The following IL10 variants were observed in gnomAD, a reference collection of about 807,000 sequenced individuals.
The protein encoded by IL10 is interleukin-10.
IL10 carries 7 observed loss-of-function variants against 21.0 expected under a neutral mutation model. That is an observed-to-expected ratio of 0.33 (90% confidence interval 0.19 to 0.63). IL10 has a LOEUF of 0.63. Ranked by LOEUF, IL10 falls within the 20% of genes least tolerant of loss-of-function variation. The probability of loss-of-function intolerance (pLI) is 0.77; values close to 1 mark genes in which losing one functional copy is unlikely to be tolerated. For missense variants in IL10, 161 were observed against 213.0 expected (o/e 0.76, Z 1.52); for synonymous variants, 83 against 79.7 (o/e 1.04, Z -0.22).
At position 206,771,424 on chromosome 1, in the gene IL10, A is replaced by G; in HGVS notation, c.166-9T>C. The G allele has an allele frequency of 6.2e-7, 1 of 1,601,582 alleles. No individual in the cohort carries two copies. The highest frequency in any genetic ancestry group is 1.7e-5 in the Admixed American group (1 of 57,970). On this transcript the variant is annotated splice_polypyrimidine_tract_variant and intron_variant, in intron 1 of 4. Transcript: ENST00000423557. The stretch of plus-strand genomic sequence containing the variant: ...AGCTGATCCTTCATTTGCTGCAGGA[A>G]GAACAAAAGGAGAATGAACTTGAGG...
At chr1:206,771,138 G>T in intron 2 of IL10, 79 bp from the exon 3 acceptor site, 1 of 1,496,532 alleles carries the variant, frequency 6.7e-7, no homozygotes, top group Middle Eastern at 1.7e-4. Context: ...AGCTTAAGAG[G>T]ACAGCTTGGT....
rs6697497 is a variant in IL10 at position 206,768,118 on chromosome 1, C to T, written c.*518G>A. On this transcript the variant is annotated 3_prime_UTR_variant, in exon 5 of 5. Transcript: ENST00000423557. Reference sequence around the variant, plus strand: ...GGGGAATGAGGTTAGGGGAATCCCTCCGAGACACTGGAAGGTGAATTAATC... The same window carrying T: ...GGGGAATGAGGTTAGGGGAATCCCTTCGAGACACTGGAAGGTGAATTAATC... The T allele has an allele frequency of 0.017, 3,647 of 217,102 alleles. 141 individuals are homozygous for T. The highest frequency in any genetic ancestry group is 0.079 in the African/African-American group (3,459 of 44,062). 13.4% of individuals were successfully genotyped at this position (217,102 alleles called of 1,614,324 possible).
At position 206,768,246 on chromosome 1, in the gene IL10, C is replaced by T; in HGVS notation, c.*390G>A. 3.6e-6 allele frequency: 1 copy of T among 277,940 alleles called. No individual in the cohort carries two copies. Among genetic ancestry groups the T allele is most frequent in the Non-Finnish European group, 6.8e-6 (1 of 146,212 alleles). 17.2% of individuals were successfully genotyped at this position (277,940 alleles called of 1,614,324 possible). A position where few individuals can be genotyped will look rare whatever the true frequency, so the allele number is the denominator to read the frequency against. On this transcript the variant is annotated 3_prime_UTR_variant, in exon 5 of 5. Transcript: ENST00000423557. Reference sequence around the variant, plus strand: ...ATTAGAGGGAGGTCAGGGAAAACAGCTCAACAGCTAGAAAGCGTGGTCAGG... The same window carrying T: ...ATTAGAGGGAGGTCAGGGAAAACAGTTCAACAGCTAGAAAGCGTGGTCAGG...
In IL10 at chr1:206,768,633, G is replaced by A. The variant is rs1674733844; in HGVS notation, c.*3C>T. ...GAGTCTATAGAGTCGCCACCCTGAT[G>A]TCTCAGTTTCGTATCTTCATTGTCA... On this transcript the variant is annotated 3_prime_UTR_variant, in exon 5 of 5. Coordinates refer to ENST00000423557, the MANE Select transcript of IL10 (RefSeq NM_000572.3). The A allele has an allele frequency of 1.9e-6, 3 of 1,555,772 alleles. No homozygotes were observed. In the African/African-American group the frequency reaches 4.1e-5, roughly 21 times the overall value.
chr1:206,770,875 G>A (rs1306998729), intron 3 of IL10, 32 bp downstream of exon 3: 9 of 1,610,218 alleles, frequency 5.6e-6, no homozygotes, highest in Non-Finnish European at 6.8e-6. Context: ...TTTGGGGGCA[G>A]CTGCAAGGGA....
At chr1:206,772,026 C>T (rs1037081521) in intron 1 of IL10, among the ~76,000 whole-genome samples, 1 of 152,236 alleles carries the variant, frequency 6.6e-6, no homozygotes, top group Non-Finnish European at 1.5e-5. Context: ...ATAAGTTTCT[C>T]AGCACGAGAG....
rs772299982 is a variant in IL10 at position 206,772,417 on chromosome 1, G to C, written c.19C>G (p.Leu7Val). 2 of 1,614,088 alleles carry C rather than the reference G, an allele frequency of 1.2e-6. No homozygotes were observed. Among genetic ancestry groups the C allele is most frequent in the Admixed American group, 1.7e-5 (1 of 60,030 alleles). The change falls in exon 1 of 5, where the codon CTC (leucine) becomes GTC (valine). Residue 7 changes from leucine to valine, a missense_variant. Transcript: ENST00000423557. Reference protein sequence around the residue: MHSSALLCCLVLLTGVR... With the variant: MHSSALVCCLVLLTGVR... ...CCAGTCAGGAGGACCAGGCAACAGA[G>C]CAGTGCTGAGCTGTGCATGCCTTCT... is the stretch of plus-strand genomic sequence containing the variant.
chr1:206,772,429 T>A lies in IL10; in HGVS notation c.7A>T (p.Ser3Cys). 1 of 1,614,106 alleles carries A rather than the reference T, an allele frequency of 6.2e-7. No homozygotes were observed. The highest frequency in any genetic ancestry group is 8.5e-7 in the Non-Finnish European group (1 of 1,180,010). The change falls in exon 1 of 5, where the codon AGC (serine) becomes TGC (cysteine). Residue 3 changes from serine to cysteine, a missense_variant. Coordinates refer to ENST00000423557, the MANE Select transcript of IL10 (RefSeq NM_000572.3). MH[S>C]SALLCCLVLL... ...ACCAGGCAACAGAGCAGTGCTGAGCTGTGCATGCCTTCTTTTGCAAGTCTG... is the reference window on the plus strand; with the variant it reads ...ACCAGGCAACAGAGCAGTGCTGAGCAGTGCATGCCTTCTTTTGCAAGTCTG...
rs755609227 is a variant in IL10, at chr1:206,772,254, G to A, written c.165+17C>T. ...AGTCCCAGGAAGAGAGAAAGGACAG[G>A]AAGGAATCATACTCACAAAGAAAGT... On this transcript the variant is annotated intron_variant, in intron 1 of 4. Coordinates refer to ENST00000423557, the MANE Select transcript of IL10 (RefSeq NM_000572.3). The A allele has an allele frequency of 5.6e-6, 9 of 1,610,738 alleles. No homozygotes were observed. The highest frequency in any genetic ancestry group is 3.3e-5 in the South Asian group (3 of 91,030).
intron 1 of IL10, among the ~76,000 whole-genome samples, chr1:206,772,007 C>A (rs545476997): frequency 7.2e-5 from 11 of 152,352 alleles, no homozygotes; most frequent in Admixed American, 7.2e-4. Context: ...AGAGCGCCAG[C>A]AGGATCTTAT....
rs988943642 is a variant in IL10, at chr1:206,768,337, A to C, written c.*299T>G. On this transcript the variant is annotated 3_prime_UTR_variant, in exon 5 of 5. Coordinates refer to ENST00000423557, the MANE Select transcript of IL10 (RefSeq NM_000572.3). ...TTTTTCCTCCCTTATGTAACTTATA[A>C]TTTATCTTAAAACACTCAAATACCA... 5 of 348,778 alleles carry C rather than the reference A, an allele frequency of 1.4e-5. No individual in the cohort carries two copies. The highest frequency in any genetic ancestry group is 9.4e-5 in the East Asian group (2 of 21,268). 21.6% of individuals were successfully genotyped at this position (348,778 alleles called of 1,614,324 possible). A position where few individuals can be genotyped will look rare whatever the true frequency, so the allele number is the denominator to read the frequency against.
Position 206,771,418 on chromosome 1 carries a change from G to T in IL10, c.166-3C>A, listed in dbSNP as rs1396281688. 1 of 1,604,700 alleles carries T rather than the reference G, an allele frequency of 6.2e-7. No individual in the cohort carries two copies. The highest frequency in any genetic ancestry group is 8.5e-7 in the Non-Finnish European group (1 of 1,175,248). On this transcript the variant is annotated splice_region_variant and splice_polypyrimidine_tract_variant and intron_variant, in intron 1 of 4. Coordinates refer to ENST00000423557, the MANE Select transcript of IL10 (RefSeq NM_000572.3). Reference sequence around the variant, plus strand: ...TTGTCCAGCTGATCCTTCATTTGCTGCAGGAAGAACAAAAGGAGAATGAAC... The same window carrying T: ...TTGTCCAGCTGATCCTTCATTTGCTTCAGGAAGAACAAAAGGAGAATGAAC...
intron 4 of IL10, 138 bp downstream of exon 4, chr1:206,769,691 A>G (rs1015137360): frequency 1.1e-5 from 8 of 747,162 alleles, no homozygotes; most frequent in Admixed American, 1.9e-5. Flanking sequence ...TGAGCAGGTC[A>G]TACCATCTGT....
In IL10 at chr1:206,772,322, A is replaced by G. The variant is rs765862851; in HGVS notation, c.114T>C (p.Pro38=). 7 of 1,614,204 alleles carry G rather than the reference A, an allele frequency of 4.3e-6. No individual in the cohort carries two copies. The South Asian group carries it at 7.7e-5, about 18-fold the overall frequency. ...NSCTHFPGNL[P]NMLRDLRDAF... is the part of the protein sequence containing the mutation. ...CATCTCGGAGATCTCGAAGCATGTT[A>G]GGCAGGTTGCCTGGGAAGTGGGTGC... is the stretch of plus-strand genomic sequence containing the variant. Residue 38 remains proline, a synonymous_variant, in exon 1 of 5, where the codon CCT becomes CCC. Transcript: ENST00000423557.
intron 2 of IL10, 41 bp downstream of exon 2, chr1:206,771,315 T>C: frequency 6.4e-7 from 1 of 1,564,218 alleles, no homozygotes; most frequent in Admixed American, 1.7e-5. Flanking sequence ...CTTCCCTTAA[T>C]CATGCTGCAC....
At chr1:206,769,956 A>G (rs2102438039) in intron 3 of IL10, 62 bp from the exon 4 acceptor site, 2 of 1,364,132 alleles carry the variant, frequency 1.5e-6, no homozygotes, top group Non-Finnish European at 2.1e-6. Context: ...CATCACACTT[A>G]GGGGACAAGC....
intron 3 of IL10, 68 bp from the exon 4 acceptor site, chr1:206,769,962 C>A: frequency 7.6e-7 from 1 of 1,316,836 alleles, no homozygotes; most frequent in Non-Finnish European, 1.1e-6. Context: ...ACTTAGGGGA[C>A]AAGCTGGTGG....
At chr1:206,771,464 T>A (rs1047694075) in intron 1 of IL10, 49 bp from the exon 2 acceptor site, 3 of 1,451,354 alleles carry the variant, frequency 2.1e-6, no homozygotes, top group Non-Finnish European at 2.9e-6. Context: ...GGGAAATAAC[T>A]GAAATGCGGT....
In IL10 at chr1:206,770,962, T is replaced by C. The variant is rs1307541646; in HGVS notation, c.323A>G (p.His108Arg). ...AENQDPDIKA[H>R]VNSLGENLKT... The stretch of plus-strand genomic sequence containing the variant: ...CAGGTTCTCCCCCAGGGAGTTCACA[T>C]GCGCCTTGATGTCTGGGTCTTGGTT... The change falls in exon 3 of 5, where the codon CAT becomes CGT. Residue 108 changes from histidine to arginine, a missense_variant. By Grantham distance (29) the His-to-Arg change is conservative (BLOSUM62 0). Transcript: ENST00000423557. 1 of 1,614,176 alleles carries C rather than the reference T, an allele frequency of 6.2e-7. No homozygotes were observed. Among genetic ancestry groups the C allele is most frequent in the Non-Finnish European group, 8.5e-7 (1 of 1,180,006 alleles).
Sources: allele counts gnomAD v4.1 joint callset (sites outside exome capture counted in the v4.1 genomes callset), GRCh38; gene constraint gnomAD v4.1.1; transcripts MANE v1.5; gene names NCBI Gene and HGNC (gene_info 2026-07-23, HGNC 2026-07-21).